HMG20A: variants seen among roughly 807,000 people sequenced by gnomAD.
HMG20A encodes the protein high mobility group 20A, also known as high mobility group protein 20A.
HMG20A carries 17 observed loss-of-function variants against 43.9 expected under a neutral mutation model. That is an observed-to-expected ratio of 0.39 (90% confidence interval 0.27 to 0.58). The LOEUF is 0.58. HMG20A is among the 20% of genes least tolerant of loss of function. The probability of loss-of-function intolerance (pLI) is 0.59; values close to 1 mark genes in which losing one functional copy is unlikely to be tolerated. For missense variants in HMG20A, 341 were observed against 438.2 expected (o/e 0.78, Z 1.98); for synonymous variants, 132 against 147.5 (o/e 0.89, Z 0.76).
At chr15:77,454,040 T>C (rs1317988841) in intron 1 of HMG20A, among the ~76,000 whole-genome samples, 7 of 151,084 alleles carry the variant, frequency 4.6e-5, no homozygotes, top group Non-Finnish European at 8.8e-5. Flanking sequence ...TAGCCAGGCG[T>C]GGTCCTAGCT....
At chr15:77,478,217 C>A in intron 7 of HMG20A, 78 bp from the exon 8 acceptor site, 1 of 1,444,192 alleles carries the variant, frequency 6.9e-7, no homozygotes, top group Non-Finnish European at 9.7e-7. Flanking sequence ...CTAAGCAGAA[C>A]TTCCCTGTAA....
At chr15:77,494,008 T>C in the HMG20A span, among the ~76,000 whole-genome samples, 4 of 152,184 alleles carry the variant, frequency 2.6e-5, no homozygotes, top group Non-Finnish European at 4.4e-5. Context: ...CCAAGGAGAC[T>C]TTTTTTATTA....
chr15:77,484,305 G>T lies in HMG20A; in HGVS notation c.*1342G>T, dbSNP rs1232602042. 6.6e-6 allele frequency: 1 copy of T among 152,404 alleles called. No homozygotes were observed. The highest frequency in any genetic ancestry group is 6.5e-5 in the Admixed American group (1 of 15,284). The allele number at this position is 152,404 out of a possible 1,614,324, so 9.4% of individuals were successfully genotyped here. A position where few individuals can be genotyped will look rare whatever the true frequency, so the allele number is the denominator to read the frequency against. ...AAGAGAGGTTCTGATTCTTACCTCA[G>T]GGTTTTTTGGTTGTTCATTGTTTTT... is the stretch of plus-strand genomic sequence containing the variant. On this transcript the variant is annotated 3_prime_UTR_variant, in exon 10 of 10. Coordinates refer to ENST00000336216, the MANE Select transcript of HMG20A (RefSeq NM_001304504.2).
chr15:77,433,906 A>G (rs1306722171), intron 1 of HMG20A, among the ~76,000 whole-genome samples: 1 of 152,250 alleles, frequency 6.6e-6, no homozygotes, highest in African/African-American at 2.4e-5. Context: ...TGATTCTAAA[A>G]TTCACATAGA....
intron 1 of HMG20A, among the ~76,000 whole-genome samples, chr15:77,423,386 T>A (rs933090392): frequency 6.6e-6 from 1 of 152,190 alleles, no homozygotes; most frequent in Non-Finnish European, 1.5e-5. Flanking sequence ...GGTTTTTTTT[T>A]CTTAATGCCC....
chr15:77,424,828 T>G (rs2073408853), intron 1 of HMG20A, among the ~76,000 whole-genome samples: 1 of 152,206 alleles, frequency 6.6e-6, no homozygotes, highest in Non-Finnish European at 1.5e-5. Flanking sequence ...TAAGGTAATT[T>G]GAATTGTTAC....
intron 7 of HMG20A, chr15:77,478,039 A>G (rs2072871924): frequency 1.3e-5 from 7 of 547,538 alleles, no homozygotes; most frequent in Non-Finnish European, 2.0e-5. Flanking sequence ...TAACAAACAA[A>G]AAAATACTGG....
the HMG20A span, among the ~76,000 whole-genome samples, chr15:77,514,596 A>G: frequency 6.6e-6 from 1 of 152,236 alleles, no homozygotes; most frequent in Non-Finnish European, 1.5e-5. Flanking sequence ...AAATAAGGTT[A>G]GTGTGTATGC....
Position 77,479,311 on chromosome 15 carries a change from G to A in HMG20A, c.1040G>A (p.Arg347His), listed in dbSNP as rs372307524. The A allele has an allele frequency of 7.6e-5, 123 of 1,613,502 alleles. 1 individual carries two copies. The highest frequency in any genetic ancestry group is 6.5e-4 in the South Asian group (59 of 91,008). ...CGAGAAGTTGTGAACAGACTCGATC[G>A]TTAGGGAATGGTGAGTGCTCACTGA... ...TVREVVNRLD[R>H] Residue 347 changes from arginine to histidine, a missense_variant, in exon 9 of 10, where the codon CGT becomes CAT. Coordinates refer to ENST00000336216, the MANE Select transcript of HMG20A (RefSeq NM_001304504.2).
At chr15:77,474,589 T>C (rs2072838630) in intron 6 of HMG20A, among the ~76,000 whole-genome samples, 1 of 152,208 alleles carries the variant, frequency 6.6e-6, no homozygotes, top group South Asian at 2.1e-4. Context: ...GCAAAATGTG[T>C]TGCCAGTTAA....
chr15:77,510,609 C>T, the HMG20A span, among the ~76,000 whole-genome samples: 64 of 152,346 alleles, frequency 4.2e-4, no homozygotes, highest in African/African-American at 1.4e-3. Flanking sequence ...AGCCTCCTGC[C>T]TGACCATGCT....
intron 2 of HMG20A, among the ~76,000 whole-genome samples, chr15:77,459,423 T>G (rs564290225): frequency 6.6e-6 from 1 of 152,108 alleles, no homozygotes; most frequent in Admixed American, 6.5e-5. Flanking sequence ...ACTTGTTGAG[T>G]CAGACAATAA....
At position 77,438,986 on chromosome 15, in the gene HMG20A, G is replaced by T. The variant is rs1022619389; in HGVS notation, c.-5+17982G>T. Among the ~76,000 whole-genome samples the T allele has an allele frequency of 2.6e-5, 4 of 151,924 alleles. No individual in the cohort carries two copies. The East Asian group carries it at 7.7e-4, about 29-fold the overall frequency. On this transcript the variant is annotated intron_variant, in intron 1 of 9. Coordinates refer to ENST00000336216, the MANE Select transcript of HMG20A (RefSeq NM_001304504.2). ...TTTTGTATTTTTTTAGTAGAGACGG[G>T]GTATCACCGTGTTAGCCAGGATAGT...
chr15:77,509,561 TG>T, the HMG20A span, among the ~76,000 whole-genome samples: 98 of 13,762 alleles, frequency 7.1e-3, no homozygotes, highest in African/African-American at 0.011. Flanking sequence ...CAGCCGTGTG[TG>T]TGTGTGTGTG....
the HMG20A span, among the ~76,000 whole-genome samples, chr15:77,494,316 G>A: frequency 6.6e-6 from 1 of 152,028 alleles, no homozygotes; most frequent in Non-Finnish European, 1.5e-5. Flanking sequence ...GTTTTATAGA[G>A]ATGGGGGTCT....
At chr15:77,479,407 T>G in intron 9 of HMG20A, 86 bp downstream of exon 9, 1 of 1,274,892 alleles carries the variant, frequency 7.8e-7, no homozygotes, top group Non-Finnish European at 1.1e-6. Context: ...ACTAAAACCC[T>G]GGGATTACAT....
the HMG20A span, among the ~76,000 whole-genome samples, chr15:77,492,188 G>A: frequency 2.4e-4 from 37 of 152,334 alleles, no homozygotes; most frequent in Non-Finnish European, 4.6e-4. Context: ...TGTGCTTCTT[G>A]ATAAAGCATT....
At chr15:77,473,408 G>T (rs957996463) in intron 6 of HMG20A, among the ~76,000 whole-genome samples, 7 of 152,074 alleles carry the variant, frequency 4.6e-5, no homozygotes, top group Non-Finnish European at 1.0e-4. Context: ...TGAAATTCCT[G>T]TGCTTCTTTT....
chr15:77,435,921 C>T (rs1033415401), intron 1 of HMG20A, among the ~76,000 whole-genome samples: 1 of 151,878 alleles, frequency 6.6e-6, no homozygotes, highest in African/African-American at 2.4e-5. Flanking sequence ...CATCTTCTAA[C>T]TGTTGAGTTC....
Sources: gnomAD v4.1 joint callset for allele counts (sites outside exome capture counted in the v4.1 genomes callset) on GRCh38, gnomAD v4.1.1 for gene constraint, MANE v1.5 for transcripts, NCBI Gene and HGNC (gene_info 2026-07-23, HGNC 2026-07-21) for gene names.